Variants in CTNNBIP1 observed in about 807,000 individuals in gnomAD.
CTNNBIP1 encodes the protein catenin beta interacting protein 1, also known as beta-catenin-interacting protein 1.
CTNNBIP1 carries 7 observed loss-of-function variants against 11.8 expected under a neutral mutation model. The ratio of observed to expected loss-of-function variants is 0.60; its 90% confidence interval spans 0.34 to 1.12. The LOEUF is 1.12. CTNNBIP1 is among the 50% of genes most tolerant of loss of function. CTNNBIP1 has a pLI of 0.03. For synonymous variants in CTNNBIP1, 58 were observed against 43.9 expected, an observed-to-expected ratio of 1.32 and a Z score of -1.26; for missense variants, 101 against 113.4, an observed-to-expected ratio of 0.89 and a Z score of 0.50.
intron 1 of CTNNBIP1, among the ~76,000 whole-genome samples, chr1:9,885,306 AC>A (rs770147258): frequency 6.6e-6 from 1 of 152,130 alleles, no homozygotes; most frequent in Non-Finnish European, 1.5e-5. Flanking sequence ...ATTTTGGGGG[AC>A]AATCACGAGC....
At chr1:9,882,534 C>T (rs1419266104) in intron 2 of CTNNBIP1, among the ~76,000 whole-genome samples, 2 of 152,160 alleles carry the variant, frequency 1.3e-5, no homozygotes, top group East Asian at 3.9e-4. Flanking sequence ...CAAGTTAGAG[C>T]TGGACCACAG....
rs1042601883 is a variant in CTNNBIP1 at position 9,851,174 on chromosome 1, G to A, written c.188-398C>T. Among the ~76,000 whole-genome samples, 2 of 152,146 alleles carry A rather than the reference G, an allele frequency of 1.3e-5. No individual in the cohort carries two copies. The highest frequency in any genetic ancestry group is 6.5e-5 in the Admixed American group (1 of 15,276). On this transcript the variant is annotated intron_variant, in intron 5 of 5. Transcript: ENST00000377263. This position sits in a 1 kb window ranked among gnomAD's most constrained non-coding sequence, Gnocchi z 4.8. ...CTCCCTCTTTCTTCTCAAGACTCGC[G>A]TCTTGATGCCTTCGGAGGGTCTGGC...
intron 1 of CTNNBIP1, among the ~76,000 whole-genome samples, chr1:9,894,905 A>ATTTT (rs1175181254): frequency 0.02 from 2,017 of 102,154 alleles, 219 homozygotes; most frequent in African/African-American, 0.075. Flanking sequence ...ATGCCTGGCT[A>ATTTT]TTTTTTTTTT....
chr1:9,871,253 G>A lies in CTNNBIP1; in HGVS notation c.121C>T (p.Leu41=). The change falls in exon 5 of 6, where the codon CTG becomes TTG. Residue 41 remains leucine, a synonymous_variant. Coordinates refer to ENST00000377263, the MANE Select transcript of CTNNBIP1 (RefSeq NM_020248.3). This position sits in a 1 kb window ranked among gnomAD's most constrained non-coding sequence, Gnocchi z 5.2. ...TTGACCACCCCTGCATAGGTGCGCA[G>A]GAACTCCTCCTCGCTGGCTGTCAGC... ...SNLTASEEEF[L]RTYAGVVNSQ... The A allele has an allele frequency of 6.3e-7, 1 of 1,577,782 alleles. No individual in the cohort carries two copies. Among genetic ancestry groups the A allele is most frequent in the South Asian group, 1.2e-5 (1 of 85,748 alleles).
At chr1:9,859,090 C>G (rs986242518) in intron 5 of CTNNBIP1, among the ~76,000 whole-genome samples, 5 of 152,176 alleles carry the variant, frequency 3.3e-5, no homozygotes, top group African/African-American at 1.2e-4. Context: ...AACCTGGGAA[C>G]AGCCCTGGCC....
At chr1:9,881,892 G>A (rs1362634575) in intron 2 of CTNNBIP1, among the ~76,000 whole-genome samples, 1 of 152,216 alleles carries the variant, frequency 6.6e-6, no homozygotes, top group African/African-American at 2.4e-5. Context: ...CTGCATTCCA[G>A]TTGACTGAGT....
chr1:9,850,766 G>A lies in CTNNBIP1; in HGVS notation c.198C>T (p.Asp66=), dbSNP rs772149103. The change falls in exon 6 of 6, where the codon GAC becomes GAT. Residue 66 remains aspartate (D), a synonymous_variant. Transcript: ENST00000377263. ...PPHSIDQGAE[D]VVMAFSRSET... Reference sequence around the variant, plus strand: ...CCGACCTGGAAAACGCCATCACCACGTCCTCTGCACCTGCAGATAAGGCGA... The same window carrying A: ...CCGACCTGGAAAACGCCATCACCACATCCTCTGCACCTGCAGATAAGGCGA... 25 of 1,613,716 alleles carry A rather than the reference G, an allele frequency of 1.5e-5. No individual in the cohort carries two copies. In the South Asian group the frequency reaches 2.6e-4, roughly 17 times the overall value.
chr1:9,885,474 T>C (rs1051964276), intron 1 of CTNNBIP1, among the ~76,000 whole-genome samples: 1 of 151,756 alleles, frequency 6.6e-6, no homozygotes, highest in Non-Finnish European at 1.5e-5. Context: ...TGAGACTCCG[T>C]CTCTACAAAA....
Position 9,871,361 on chromosome 1 carries a change from C to A in CTNNBIP1, c.97-84G>T, listed in dbSNP as rs1380240487. 7.0e-6 allele frequency: 7 copies of A among 1,001,190 alleles called. No individual in the cohort carries two copies. Among genetic ancestry groups the A allele is most frequent in the South Asian group, 4.1e-5 (3 of 72,758 alleles). The allele number at this position is 1,001,190 out of a possible 1,614,324, so 62.0% of individuals were successfully genotyped here. ...TGCACCCCTAGAGGCACCGCCTAGG[C>A]CTGCTTGGTCCCTGCTTGGTCCCTG... On this transcript the variant is annotated intron_variant, in intron 4 of 5. Coordinates refer to ENST00000377263, the MANE Select transcript of CTNNBIP1 (RefSeq NM_020248.3). The surrounding 1 kb of genome is among the most constrained non-coding windows in gnomAD (Gnocchi z 5.2).
intron 1 of CTNNBIP1, among the ~76,000 whole-genome samples, chr1:9,891,564 C>A (rs1557762609): frequency 6.6e-6 from 1 of 152,148 alleles, no homozygotes; most frequent in African/African-American, 2.4e-5. Context: ...CACCACCCGG[C>A]TCTGGGGATG....
chr1:9,902,148 G>A (rs969296472), intron 1 of CTNNBIP1, among the ~76,000 whole-genome samples: 15 of 152,104 alleles, frequency 9.9e-5, no homozygotes, highest in African/African-American at 3.6e-4. Context: ...GAGGACATAG[G>A]TGTCCATGTG....
At chr1:9,857,194 T>C (rs1638523351) in intron 5 of CTNNBIP1, among the ~76,000 whole-genome samples, 1 of 151,668 alleles carries the variant, frequency 6.6e-6, no homozygotes, top group Admixed American at 6.6e-5. Context: ...TTTAAAAAAA[T>C]GGGTGGCTGG....
At chr1:9,869,101 G>A (rs1447464898) in intron 5 of CTNNBIP1, among the ~76,000 whole-genome samples, 1 of 151,928 alleles carries the variant, frequency 6.6e-6, no homozygotes, top group Non-Finnish European at 1.5e-5. Flanking sequence ...CTGGGCTCAA[G>A]CGATCCTCTC....
intron 5 of CTNNBIP1, among the ~76,000 whole-genome samples, chr1:9,869,006 T>G (rs959463477): frequency 4.6e-5 from 7 of 152,076 alleles, no homozygotes; most frequent in African/African-American, 1.4e-4. Flanking sequence ...TTTAAAAATT[T>G]TTTAAATTTA....
chr1:9,860,618 C>CAAA (rs35598626), intron 5 of CTNNBIP1, among the ~76,000 whole-genome samples: 3 of 101,120 alleles, frequency 3.0e-5, no homozygotes, highest in African/African-American at 1.0e-4. Flanking sequence ...CTTCATCTCT[C>CAAA]AAAAAAAAAA....
At position 9,888,156 on chromosome 1, in the gene CTNNBIP1, C is replaced by T. The variant is rs1292956471; in HGVS notation, c.-143-4418G>A. ...TTTTAAAAAGAAAATATGGTCTGGG[C>T]ACAGTGGCTCATGCCTGTAATCCCA... On this transcript the variant is annotated intron_variant, in intron 1 of 5. Transcript: ENST00000377263. Among the ~76,000 whole-genome samples the T allele has an allele frequency of 2.0e-5, 3 of 151,960 alleles. No homozygotes were observed. The East Asian group carries it at 5.9e-4, about 30-fold the overall frequency.
At chr1:9,904,414 A>G (rs150048169) in intron 1 of CTNNBIP1, among the ~76,000 whole-genome samples, 2 of 152,258 alleles carry the variant, frequency 1.3e-5, no homozygotes, top group Non-Finnish European at 2.9e-5. Context: ...TGGTGAGTGG[A>G]GCCCCTGGGT....
chr1:9,883,905 A>G lies in CTNNBIP1; in HGVS notation c.-143-167T>C, dbSNP rs1412295144. ...TAACGGTGCTGGGGGAGCTCAGGGG[A>G]GGTCACCACCCAAACAGTCAAGGAG... On this transcript the variant is annotated intron_variant, in intron 1 of 5. Transcript: ENST00000377263. The surrounding 1 kb of genome is among the most constrained non-coding windows in gnomAD (Gnocchi z 5.6). 6.6e-6 allele frequency among the ~76,000 whole-genome samples: 1 copy of G among 151,994 alleles called. No homozygotes were observed. Among genetic ancestry groups the G allele is most frequent in the African/African-American group, 2.4e-5 (1 of 41,364 alleles).
At chr1:9,853,822 C>T (rs147831334) in intron 5 of CTNNBIP1, among the ~76,000 whole-genome samples, 8 of 152,210 alleles carry the variant, frequency 5.3e-5, no homozygotes, top group East Asian at 1.9e-4. Flanking sequence ...AGCCAAAACC[C>T]GATGACAGTA....
Sources: gnomAD v4.1 joint callset for allele counts (sites outside exome capture counted in the v4.1 genomes callset) on GRCh38, gnomAD v4.1.1 for gene constraint, Gnocchi (gnomAD v3.1) non-coding constraint, MANE v1.5 for transcripts, NCBI Gene and HGNC (gene_info 2026-07-23, HGNC 2026-07-21) for gene names.